NALF1: variants seen among roughly 807,000 people sequenced by gnomAD.
NALF1 encodes the protein family with sequence similarity 155 member A.
NALF1 carries 3 observed loss-of-function variants against 48.4 expected under a neutral mutation model. The ratio of observed to expected loss-of-function variants is 0.06; its 90% CI spans 0.03 to 0.16. NALF1 has a LOEUF of 0.16. Among genes scored for constraint, NALF1 ranks in the 10% least tolerant of loss-of-function variants. The pLI, the probability that NALF1 is intolerant of heterozygous loss-of-function variation, is 1.00. For synonymous variants in NALF1, 262 were observed against 245.7 expected (o/e 1.07, Z -0.62); for missense variants, 526 against 571.5 (o/e 0.92, Z 0.81).
chr13:107,309,010 A>C (rs960181534), intron 1 of NALF1, among the ~76,000 whole-genome samples: 1 of 152,224 alleles, frequency 6.6e-6, no homozygotes, highest in Non-Finnish European at 1.5e-5. Flanking sequence ...TGTAGATCAA[A>C]TACGTTTTGT....
At chr13:107,573,646 C>A (rs781111629) in intron 1 of NALF1, among the ~76,000 whole-genome samples, 1 of 152,030 alleles carries the variant, frequency 6.6e-6, no homozygotes, top group African/African-American at 2.4e-5. Context: ...ACCCAAAACT[C>A]ATCTTGAATT....
At chr13:107,464,826 C>T (rs902104707) in intron 1 of NALF1, among the ~76,000 whole-genome samples, 12 of 152,106 alleles carry the variant, frequency 7.9e-5, no homozygotes, top group African/African-American at 2.7e-4. Flanking sequence ...GGCGGCAATA[C>T]AAATTTTTAG....
chr13:107,184,885 C>T (rs1879140181), intron 2 of NALF1, among the ~76,000 whole-genome samples: 1 of 152,092 alleles, frequency 6.6e-6, no homozygotes, highest in African/African-American at 2.4e-5. Context: ...AAGTCTCAAC[C>T]CCGAATACCT....
At chr13:107,185,776 A>G (rs1477196376) in intron 2 of NALF1, among the ~76,000 whole-genome samples, 2 of 152,160 alleles carry the variant, frequency 1.3e-5, no homozygotes, top group African/African-American at 4.8e-5. Context: ...TAGGTATAGG[A>G]TTCCAGATTC....
intron 1 of NALF1, among the ~76,000 whole-genome samples, chr13:107,488,125 T>A (rs572136729): frequency 6.6e-6 from 1 of 152,012 alleles, no homozygotes; most frequent in Non-Finnish European, 1.5e-5. Flanking sequence ...ATCCCCCTTA[T>A]CATTTCTGAT....
chr13:107,429,718 T>G (rs746967259), intron 1 of NALF1, among the ~76,000 whole-genome samples: 4 of 151,554 alleles, frequency 2.6e-5, no homozygotes, highest in Non-Finnish European at 5.9e-5. Flanking sequence ...AAAGACCGAA[T>G]CAAAATCCAA....
At chr13:107,697,141 T>C (rs1881718462) in intron 1 of NALF1, among the ~76,000 whole-genome samples, 1 of 152,178 alleles carries the variant, frequency 6.6e-6, no homozygotes, top group South Asian at 2.1e-4. Flanking sequence ...GTTAAGTTAC[T>C]GCCTAAGGTC....
At chr13:107,710,251 G>GT (rs1273117885) in intron 1 of NALF1, among the ~76,000 whole-genome samples, 1 of 152,052 alleles carries the variant, frequency 6.6e-6, no homozygotes. Context: ...AAACCTCTCG[G>GT]TATCTACTCC....
chr13:107,182,574 G>A lies in NALF1; in HGVS notation c.1088-11788C>T, dbSNP rs79221378. 1.8e-3 allele frequency among the ~76,000 whole-genome samples: 271 copies of A among 152,196 alleles called. 1 individual carries two copies. Among genetic ancestry groups the A allele is most frequent in the African/African-American group, 6.2e-3 (257 of 41,516 alleles). On this transcript the variant is annotated intron_variant, in intron 2 of 2. Coordinates refer to ENST00000375915, the MANE Select transcript of NALF1 (RefSeq NM_001080396.3). ...TGTAAGTCACCACACTCGGCCCTAT[G>A]TGACCATACTTAAATGTATATTTTT...
At chr13:107,735,351 T>C (rs1876436959) in intron 1 of NALF1, among the ~76,000 whole-genome samples, 1 of 152,200 alleles carries the variant, frequency 6.6e-6, no homozygotes, top group Non-Finnish European at 1.5e-5. Context: ...ATAACATGGT[T>C]GGATGAGTAA....
intron 1 of NALF1, among the ~76,000 whole-genome samples, chr13:107,332,507 C>T (rs1309450897): frequency 6.6e-6 from 1 of 152,192 alleles, no homozygotes; most frequent in African/African-American, 2.4e-5. Flanking sequence ...GAATACAGAC[C>T]CAGTCTCTAC....
chr13:107,803,463 A>C (rs1009944068), intron 1 of NALF1, among the ~76,000 whole-genome samples: 1 of 151,936 alleles, frequency 6.6e-6, no homozygotes. Context: ...AGAACCTTTA[A>C]AAAAAATGGC....
intron 1 of NALF1, among the ~76,000 whole-genome samples, chr13:107,748,021 A>T (rs61431008): frequency 0.03 from 4,595 of 152,276 alleles, 221 homozygotes; most frequent in African/African-American, 0.1. Flanking sequence ...AGCCCATGTT[A>T]TTTCTGTAAC....
intron 1 of NALF1, among the ~76,000 whole-genome samples, chr13:107,654,580 G>C (rs1272506733): frequency 6.6e-6 from 1 of 151,942 alleles, no homozygotes. Flanking sequence ...CAAAGAGTTT[G>C]TACTAATCCT....
intron 1 of NALF1, among the ~76,000 whole-genome samples, chr13:107,828,405 G>A (rs143420125): frequency 6.6e-6 from 1 of 151,884 alleles, no homozygotes; most frequent in Non-Finnish European, 1.5e-5. Context: ...ATACATCAGT[G>A]TGTGCTTCTA....
intron 2 of NALF1, among the ~76,000 whole-genome samples, chr13:107,205,691 C>A (rs746612538): frequency 6.6e-6 from 1 of 152,126 alleles, no homozygotes; most frequent in Non-Finnish European, 1.5e-5. Flanking sequence ...TTGTCAGTAA[C>A]CCCCAGCAGA....
chr13:107,636,769 T>G (rs1160260265), intron 1 of NALF1, among the ~76,000 whole-genome samples: 1 of 151,772 alleles, frequency 6.6e-6, no homozygotes, highest in Non-Finnish European at 1.5e-5. Flanking sequence ...TTCTTAATAC[T>G]GCCCAGTATT....
chr13:107,347,177 T>C lies in NALF1; in HGVS notation c.916-136422A>G, dbSNP rs572888458. On this transcript the variant is annotated intron_variant, in intron 1 of 2. Transcript: ENST00000375915. ...AGGCCCTGGGACTGGACACATTTCT[T>C]TACTTTTGCCAGACTCTTTTCCAAA... Among the ~76,000 whole-genome samples, 3 of 152,350 alleles carry C rather than the reference T, an allele frequency of 2.0e-5. No homozygotes were observed. The South Asian group carries it at 6.2e-4, about 32-fold the overall frequency.
At chr13:107,576,437 T>C (rs111544818) in intron 1 of NALF1, among the ~76,000 whole-genome samples, 2,015 of 152,290 alleles carry the variant, frequency 0.013, 33 homozygotes, top group African/African-American at 0.037. Context: ...CTACTACATG[T>C]CAGGAACTCT....
Sources: gnomAD v4.1 joint callset for allele counts (sites outside exome capture counted in the v4.1 genomes callset) on GRCh38, gnomAD v4.1.1 for gene constraint, MANE v1.5 for transcripts, NCBI Gene and HGNC (gene_info 2026-07-23, HGNC 2026-07-21) for gene names.